The following ZAN variants were observed in gnomAD, a reference collection of about 807,000 sequenced individuals.
ZAN encodes zonadhesin, also known as zonadhesin (gene/pseudogene).
A neutral mutation model predicts 286.2 loss-of-function variants in ZAN; 260 were observed. The ratio of observed to expected loss-of-function variants is 0.91; its 90% CI spans 0.82 to 1.01. The LOEUF (loss-of-function observed/expected upper bound fraction) is 1.01, where lower values mean the gene tolerates loss of function less well. Ranked by LOEUF, ZAN falls within the 50% of genes least tolerant of loss-of-function variation. ZAN has a pLI of 0.00. For missense variants in ZAN, 3,410 were observed against 3,639.2 expected, an observed-to-expected ratio of 0.94 and a Z score of 1.62; for synonymous variants, 1,368 against 1,417.5, an observed-to-expected ratio of 0.97 and a Z score of 0.79.
At chr7:100,755,081 C>A in intron 14 of ZAN, 145 bp from the exon 15 acceptor site, 2 of 932,686 alleles carry the variant, frequency 2.1e-6, no homozygotes, top group Non-Finnish European at 1.6e-6. Flanking sequence ...TGAGCCACCG[C>A]ACCCAGCCTT....
At chr7:100,766,295 A>G (rs1280704998) in intron 23 of ZAN, among the ~76,000 whole-genome samples, 1 of 152,140 alleles carries the variant, frequency 6.6e-6, no homozygotes, top group African/African-American at 2.4e-5. Context: ...CCTCGGATAG[A>G]TCAATTTTGG....
chr7:100,753,795 T>C (rs1183538187), intron 14 of ZAN, among the ~76,000 whole-genome samples: 2 of 139,564 alleles, frequency 1.4e-5, no homozygotes, highest in African/African-American at 5.4e-5. Flanking sequence ...ATTGTGTCAC[T>C]GCACTTCAGC....
chr7:100,797,702 C>T lies in ZAN; in HGVS notation c.8414-5C>T, dbSNP rs1812459113. The T allele has an allele frequency of 6.2e-7, 1 of 1,613,998 alleles. No homozygotes were observed. On this transcript the variant is annotated splice_region_variant and splice_polypyrimidine_tract_variant and intron_variant, in intron 47 of 47. Transcript: ENST00000613979. Reference sequence around the variant, plus strand: ...TCATACATGGTTTTCTTGCTTTCTCCTCAGATACTGTTCTGGACTGTGCCT... The same window carrying T: ...TCATACATGGTTTTCTTGCTTTCTCTTCAGATACTGTTCTGGACTGTGCCT...
intron 15 of ZAN, among the ~76,000 whole-genome samples, chr7:100,756,284 C>T (rs150346052): frequency 2.2e-4 from 34 of 152,156 alleles, no homozygotes; most frequent in African/African-American, 6.5e-4. Flanking sequence ...CATTAAAGGG[C>T]CCAGCGTGGT....
At chr7:100,766,406 C>T in intron 23 of ZAN, 119 bp from the exon 24 acceptor site, 1 of 1,255,502 alleles carries the variant, frequency 8.0e-7, no homozygotes, top group East Asian at 2.6e-5. Context: ...GAGAGGATGT[C>T]TCCCCACTAT....
In ZAN at chr7:100,792,084, C is replaced by G. The variant is rs1812008874; in HGVS notation, c.7648C>G (p.Leu2550Val). 1 of 1,612,958 alleles carries G rather than the reference C, an allele frequency of 6.2e-7. No homozygotes were observed. The part of the protein sequence containing the change: ...ASNSTQACRV[L>V]ADPQGPFAAC... ...CAACAGCACCCAGGCCTGTAGGGTG[C>G]TGGCAGACCCCCAGGGCCCCTTTGC... is the stretch of plus-strand genomic sequence containing the variant. Residue 2550 changes from leucine to valine, a missense_variant, in exon 41 of 48, where the codon CTG becomes GTG. Coordinates refer to ENST00000613979, the MANE Select transcript of ZAN (RefSeq NM_003386.3).
chr7:100,777,596 A>G (rs1810907014), intron 34 of ZAN, among the ~76,000 whole-genome samples: 1 of 151,940 alleles, frequency 6.6e-6, no homozygotes, highest in Non-Finnish European at 1.5e-5. Context: ...TCCTGACCTC[A>G]AGTGATCCGC....
Position 100,735,496 on chromosome 7 carries a change from G to GT in ZAN, c.54-221dup, listed in dbSNP as rs1164161707. ...GTGGGAGGATTGCTGGAGCCCAGAG[G>GT]TTTGAGGCTGCAGTGAGCTGTGATT... On this transcript the variant is annotated intron_variant, in intron 2 of 47. Transcript: ENST00000613979. Among the ~76,000 whole-genome samples, 10 of 135,326 alleles carry GT rather than the reference G, an allele frequency of 7.4e-5. 2 individuals are homozygous for GT. The East Asian group carries it at 1.9e-3, about 25-fold the overall frequency. The allele number at this position is 135,326 out of a possible 152,430, so 88.8% of individuals were successfully genotyped here. A position where few individuals can be genotyped will look rare whatever the true frequency, so the allele number is the denominator to read the frequency against.
intron 35 of ZAN, among the ~76,000 whole-genome samples, chr7:100,782,490 G>A (rs1811256576): frequency 6.6e-6 from 1 of 151,830 alleles, no homozygotes; most frequent in African/African-American, 2.4e-5. Flanking sequence ...CACCATGCCT[G>A]GATAATTTTT....
chr7:100,769,647 C>T (rs1194328926), intron 27 of ZAN, among the ~76,000 whole-genome samples: 3 of 151,576 alleles, frequency 2.0e-5, no homozygotes, highest in Middle Eastern at 3.4e-3. Context: ...TGGGCTCAAG[C>T]CATCCTCCCA....
chr7:100,792,994 A>AAAAAAAG (rs1554412977), intron 42 of ZAN, among the ~76,000 whole-genome samples: 27 of 120,234 alleles, frequency 2.2e-4, no homozygotes, highest in African/African-American at 7.9e-4. Context: ...AAAAAAAAAA[A>AAAAAAAG]AAAGAAAGAA....
At chr7:100,743,031 C>CTT in intron 7 of ZAN, among the ~76,000 whole-genome samples, 1 of 122,326 alleles carries the variant, frequency 8.2e-6, no homozygotes, top group Non-Finnish European at 1.8e-5. Flanking sequence ...CTTTTTCTTT[C>CTT]TTTTTTTTTT....
intron 28 of ZAN, among the ~76,000 whole-genome samples, chr7:100,770,270 C>T (rs567070084): frequency 2.4e-4 from 37 of 151,352 alleles, no homozygotes; most frequent in South Asian, 1.7e-3. Context: ...TTTGGGAGGC[C>T]GAGGAGGGCA....
intron 9 of ZAN, among the ~76,000 whole-genome samples, 173 bp from the exon 10 acceptor site, chr7:100,747,964 C>T (rs559931604): frequency 6.7e-6 from 1 of 148,850 alleles, no homozygotes; most frequent in East Asian, 2.0e-4. Context: ...TGTACTCCAG[C>T]CTGGGCAATA....
At chr7:100,753,330 T>A in intron 14 of ZAN, 101 bp downstream of exon 14, 1 of 1,257,370 alleles carries the variant, frequency 8.0e-7, no homozygotes, top group Non-Finnish European at 1.1e-6. Context: ...TTCTAGTTGC[T>A]TCTAGATGCT....
In ZAN at chr7:100,735,726, G is replaced by C; in HGVS notation, c.60G>C (p.Glu20Asp). ...TCTTCAAACGACCCCCAAGGAAAGA[G>C]AAGCCTCCGGACCAGAAGCTGGTTG... ...LLVGAALFRKEKPPDQKLVVR... is the reference protein window; with the variant it reads ...LLVGAALFRKDKPPDQKLVVR... The change falls in exon 3 of 48, where the codon GAG becomes GAC. Residue 20 changes from glutamate to aspartate, a missense_variant. By Grantham distance (45) the Glu-to-Asp change is conservative. Around this residue, in one of 7 missense-constraint regions of ZAN, gnomAD observed 872 missense variants for 938.9 expected, o/e 0.93. Transcript: ENST00000613979. The C allele has an allele frequency of 6.6e-7, 1 of 1,508,722 alleles. No individual in the cohort carries two copies. The highest frequency in any genetic ancestry group is 9.1e-7 in the Non-Finnish European group (1 of 1,100,222). The allele number at this position is 1,508,722 out of a possible 1,614,324, so 93.5% of individuals were successfully genotyped here.
At position 100,769,754 on chromosome 7, in the gene ZAN, C is replaced by T. The variant is rs1584600006; in HGVS notation, c.5154-126C>T. Reference sequence around the variant, plus strand: ...TAGAGATAGGATCTCACTATGTTGCCCAGGCTGGTCTTGAACTTCTGGTCT... The same window carrying T: ...TAGAGATAGGATCTCACTATGTTGCTCAGGCTGGTCTTGAACTTCTGGTCT... On this transcript the variant is annotated intron_variant, in intron 27 of 47. Transcript: ENST00000613979. 7.8e-6 allele frequency: 6 copies of T among 773,352 alleles called. No individual in the cohort carries two copies. In the East Asian group the frequency reaches 1.7e-4, roughly 22 times the overall value. The allele number at this position is 773,352 out of a possible 1,614,324, so 47.9% of individuals were successfully genotyped here. A position where few individuals can be genotyped will look rare whatever the true frequency, so the allele number is the denominator to read the frequency against.
At chr7:100,755,145 G>C in intron 14 of ZAN, 81 bp from the exon 15 acceptor site, 1 of 1,478,728 alleles carries the variant, frequency 6.8e-7, no homozygotes, top group Admixed American at 2.2e-5. Flanking sequence ...AAGAACTTGA[G>C]TTTGGGGGTA....
rs1054710862 is a variant in ZAN, at chr7:100,760,269, T to C, written c.3697-122T>C. The C allele has an allele frequency of 4.5e-6, 6 of 1,319,324 alleles. No individual in the cohort carries two copies. In the African/African-American group the frequency reaches 8.8e-5, roughly 19 times the overall value. The allele number at this position is 1,319,324 out of a possible 1,614,324, so 81.7% of individuals were successfully genotyped here. Reference sequence around the variant, plus strand: ...TGAGGAAGCTCCAGTCCACTCCTGGTGGATGAGATTGTTAGGCCGCTGTGG... The same window carrying C: ...TGAGGAAGCTCCAGTCCACTCCTGGCGGATGAGATTGTTAGGCCGCTGTGG... On this transcript the variant is annotated intron_variant, in intron 18 of 47. Transcript: ENST00000613979.
Sources: gnomAD v4.1 joint callset for allele counts (sites outside exome capture counted in the v4.1 genomes callset) on GRCh38, gnomAD v4.1.1 for gene constraint, gnomAD v4.1.1 regional missense constraint, MANE v1.5 for transcripts, NCBI Gene and HGNC (gene_info 2026-07-23, HGNC 2026-07-21) for gene names.